Variants in ZNF75D observed in about 807,000 individuals in gnomAD.
ZNF75D encodes zinc finger protein 75.
In ZNF75D, 33 loss-of-function variants were observed where a neutral mutation model predicts 33.3. The observed-to-expected ratio is 0.99, with a 90% CI of 0.75 to 1.32. ZNF75D has a LOEUF of 1.32. Ranked by LOEUF, ZNF75D falls within the 40% of genes most tolerant of loss-of-function variation. The probability of loss-of-function intolerance (pLI) is 0.00; values close to 1 mark genes in which losing one functional copy is unlikely to be tolerated. For synonymous variants in ZNF75D, 113 were observed against 130.6 expected (o/e 0.87, Z 0.92); for missense variants, 338 against 367.5 (o/e 0.92, Z 0.66).
intron 1 of ZNF75D, among the ~76,000 whole-genome samples, chrX:135,257,712 G>A (rs1389056591): frequency 1.8e-5 from 2 of 112,288 alleles, no homozygotes; most frequent in Non-Finnish European, 3.8e-5. Flanking sequence ...CCAGTGCCAG[G>A]TGTTCAGCAC....
In ZNF75D at chrX:135,287,328, G is replaced by T. The variant is rs1258011449; in HGVS notation, c.1342C>A (p.Pro448Thr). Reference sequence around the variant, plus strand: ...TTTCCACATTCATCACATTTAAAGGGCTTCTCTCCTGTGTGAATTCTTTGG... The same window carrying T: ...TTTCCACATTCATCACATTTAAAGGTCTTCTCTCCTGTGTGAATTCTTTGG... ...THQRIHTGEK[P>T]FKCDECGKRF... is the part of the protein sequence containing the mutation. The change falls in exon 7 of 7, where the codon CCC becomes ACC. Residue 448 changes from proline to threonine, a missense_variant. By Grantham distance (38) the Pro-to-Thr change is conservative. This residue lies in a region of ZNF75D where 79 missense variants were observed against 80.1 expected (regional missense o/e 0.99). Transcript: ENST00000370766. The T allele has an allele frequency of 8.3e-7, 1 of 1,210,266 alleles. No homozygotes were observed. The highest frequency in any genetic ancestry group is 1.1e-6 in the Non-Finnish European group (1 of 895,241).
Position 135,326,307 on chromosome X carries a change from T to A in ZNF75D, c.-391+15461A>T, listed in dbSNP as rs2084574326. ...TTTGTAAACACACCAATCAGCACCC[T>A]GTGTCTAGCTCAGGGTTTGTGAGTG... On this transcript the variant is annotated intron_variant, in intron 1 of 6. Coordinates refer to ENST00000370766, the MANE Select transcript of ZNF75D (RefSeq NM_007131.5). Among the ~76,000 whole-genome samples, 3 of 111,012 alleles carry A rather than the reference T, an allele frequency of 2.7e-5. No individual in the cohort carries two copies. The South Asian group carries it at 1.2e-3, about 43-fold the overall frequency.
At chrX:135,294,594 C>T (rs73224777) in intron 2 of ZNF75D, among the ~76,000 whole-genome samples, 387 of 111,001 alleles carry the variant, frequency 3.5e-3, no homozygotes, top group Non-Finnish European at 5.8e-3. Context: ...TTATCCAATA[C>T]TTAATCTGTG....
At chrX:135,258,179 A>ATATGCGCCACATTTTCT (rs782362401) in intron 1 of ZNF75D, among the ~76,000 whole-genome samples, 1 of 79,411 alleles carries the variant, frequency 1.3e-5, no homozygotes, top group Non-Finnish European at 3.3e-5. Flanking sequence ...TCCATGGTGT[A>ATATGCGCCACATTTTCT]TAATCCAGTC....
chrX:135,259,053 TC>T (rs1202639058), intron 1 of ZNF75D, among the ~76,000 whole-genome samples: 1 of 112,341 alleles, frequency 8.9e-6, no homozygotes, highest in Admixed American at 9.4e-5. Context: ...AAATAGGGAA[TC>T]CTTTCCCCAT....
intron 1 of ZNF75D, among the ~76,000 whole-genome samples, chrX:135,280,238 C>G (rs894865999): frequency 6.3e-5 from 7 of 111,678 alleles, no homozygotes; most frequent in African/African-American, 2.3e-4. Flanking sequence ...CATCATGTAA[C>G]GCCCTTCTTT....
chrX:135,292,555 C>T, intron 3 of ZNF75D, 82 bp from the exon 4 acceptor site: 1 of 884,931 alleles, frequency 1.1e-6, no homozygotes, highest in Non-Finnish European at 1.6e-6. Flanking sequence ...AAGAGCAGAG[C>T]CCAGATTTGG....
At chrX:135,322,318 T>C (rs1264359558) in intron 1 of ZNF75D, among the ~76,000 whole-genome samples, 1 of 112,379 alleles carries the variant, frequency 8.9e-6, no homozygotes, top group Admixed American at 9.4e-5. Context: ...GCTACTTAAG[T>C]TCATGGTTAT....
chrX:135,322,538 GTAGATAGACAGA>G (rs1319127441), intron 1 of ZNF75D, among the ~76,000 whole-genome samples: 4 of 112,046 alleles, frequency 3.6e-5, no homozygotes, highest in South Asian at 3.7e-4. Context: ...AGATAGATAG[GTAGATAGACAGA>G]TAGATAGACA....
intron 1 of ZNF75D, among the ~76,000 whole-genome samples, chrX:135,270,622 A>T (rs1433103389): frequency 1.8e-5 from 2 of 108,992 alleles, no homozygotes; most frequent in African/African-American, 3.3e-5. Flanking sequence ...TCAGTTTTTC[A>T]TGGAATATTA....
intron 1 of ZNF75D, among the ~76,000 whole-genome samples, chrX:135,333,768 T>C (rs1344263786): frequency 9.0e-6 from 1 of 111,628 alleles, no homozygotes; most frequent in Non-Finnish European, 1.9e-5. Flanking sequence ...CTTTACCTGG[T>C]GGGGCAACCA....
intron 1 of ZNF75D, among the ~76,000 whole-genome samples, chrX:135,336,673 C>T (rs1357219583): frequency 8.9e-6 from 1 of 112,259 alleles, no homozygotes; most frequent in East Asian, 2.8e-4. Flanking sequence ...GGGCCTTTAG[C>T]CCTGGTGCCT....
At chrX:135,269,276 T>C (rs1387121162) in intron 1 of ZNF75D, among the ~76,000 whole-genome samples, 3 of 111,530 alleles carry the variant, frequency 2.7e-5, no homozygotes, top group Non-Finnish European at 3.8e-5. Context: ...AAAAACCTTC[T>C]GCACAGCAAA....
chrX:135,259,166 G>C (rs1385762388), intron 1 of ZNF75D, among the ~76,000 whole-genome samples: 1 of 111,528 alleles, frequency 9.0e-6, no homozygotes, highest in Non-Finnish European at 1.9e-5. Context: ...CTCTGTTTTG[G>C]TACCAGTACC....
rs1262199374 is a variant in ZNF75D, at chrX:135,343,391, A to G, written c.-2014T>C. ...GTGGATGTCCTGGGACAGGATAGTC[A>G]GGAACTCCTCCAACACCAGCAACTC... On this transcript the variant is annotated 5_prime_UTR_variant, in exon 1 of 7. The change abolishes the stop of an existing upstream ORF in the 5' untranslated region. Coordinates refer to ENST00000370766, the MANE Select transcript of ZNF75D (RefSeq NM_007131.5). The G allele has an allele frequency of 7.2e-6, 1 of 139,442 alleles. No individual in the cohort carries two copies. Among genetic ancestry groups the G allele is most frequent in the African/African-American group, 3.1e-5 (1 of 32,017 alleles). The allele number at this position is 139,442 out of a possible 1,213,427, so 11.5% of individuals were successfully genotyped here. A position where few individuals can be genotyped will look rare whatever the true frequency, so the allele number is the denominator to read the frequency against.
chrX:135,287,053 A>T lies in ZNF75D; in HGVS notation c.*84T>A. The T allele has an allele frequency of 1.3e-6, 1 of 797,994 alleles. No individual in the cohort carries two copies. Among genetic ancestry groups the T allele is most frequent in the Non-Finnish European group, 1.8e-6 (1 of 543,962 alleles). The allele number at this position is 797,994 out of a possible 1,213,427, so 65.8% of individuals were successfully genotyped here. ...ATGTACCCTTCCCAAATGTTTTATT[A>T]ATCACAGATTCCTATCATTGGGTGC... is the stretch of plus-strand genomic sequence containing the variant. On this transcript the variant is annotated 3_prime_UTR_variant, in exon 7 of 7. Transcript: ENST00000370766.
At chrX:135,322,294 T>C (rs1286422152) in intron 1 of ZNF75D, among the ~76,000 whole-genome samples, 1 of 112,268 alleles carries the variant, frequency 8.9e-6, no homozygotes, top group African/African-American at 3.2e-5. Context: ...GTTAATATAT[T>C]TGTGTCATTT....
intron 1 of ZNF75D, among the ~76,000 whole-genome samples, chrX:135,325,538 C>G (rs1005236799): frequency 8.9e-6 from 1 of 112,063 alleles, no homozygotes; most frequent in Non-Finnish European, 1.9e-5. Flanking sequence ...TGGCGGGCCC[C>G]GCACTCGGAG....
intron 1 of ZNF75D, among the ~76,000 whole-genome samples, chrX:135,268,110 C>T (rs1053874357): frequency 9.9e-6 from 1 of 101,361 alleles, no homozygotes; most frequent in African/African-American, 3.6e-5. Context: ...AAGGAACATA[C>T]TTCAGCATAA....
Sources: allele counts gnomAD v4.1 joint callset (sites outside exome capture counted in the v4.1 genomes callset), GRCh38; gene constraint gnomAD v4.1.1; regional missense constraint gnomAD v4.1.1; transcripts MANE v1.5; gene names NCBI Gene and HGNC (gene_info 2026-07-23, HGNC 2026-07-21).